The following TPPP3 variants were observed in gnomAD, a reference collection of about 807,000 sequenced individuals.
TPPP3 encodes the protein tubulin polymerization promoting protein family member 3.
A neutral mutation model predicts 13.1 loss-of-function variants in TPPP3; 7 were observed. The observed-to-expected ratio is 0.54, with a 90% CI of 0.30 to 1.01. TPPP3 has a LOEUF of 1.01. Ranked by LOEUF, TPPP3 falls within the 50% of genes least tolerant of loss-of-function variation. The pLI is 0.06. For synonymous variants in TPPP3, 87 were observed against 93.7 expected (o/e 0.93, Z 0.41); for missense variants, 185 against 235.0 (o/e 0.79, Z 1.39).
Position 67,391,666 on chromosome 16 carries a change from T to G in TPPP3, c.-6-549A>C, listed in dbSNP as rs144745994. ...GGGGTGCAGCTGGTCCAGCAAGGCC[T>G]TGTTACTATTTGCTGTTAAACAAAA... On this transcript the variant is annotated intron_variant, in intron 1 of 3. Coordinates refer to ENST00000393957, the MANE Select transcript of TPPP3 (RefSeq NM_015964.4). This position sits in a 1 kb window ranked among gnomAD's most constrained non-coding sequence, Gnocchi z 6.3. 7.6e-3 allele frequency: 1,175 copies of G among 154,114 alleles called. 17 individuals carry two copies. Among genetic ancestry groups the G allele is most frequent in the African/African-American group, 0.027 (1,124 of 41,600 alleles). 9.5% of individuals were successfully genotyped at this position (154,114 alleles called of 1,614,324 possible). A position where few individuals can be genotyped will look rare whatever the true frequency, so the allele number is the denominator to read the frequency against.
Position 67,390,790 on chromosome 16 carries a change from T to C in TPPP3, c.188+134A>G, listed in dbSNP as rs8053264. Reference sequence around the variant, plus strand: ...CAGCAACTCTGGAGGGCAATAGATATAAGGTTTGCCCTGGAAGAACGACCT... The same window carrying C: ...CAGCAACTCTGGAGGGCAATAGATACAAGGTTTGCCCTGGAAGAACGACCT... On this transcript the variant is annotated intron_variant, in intron 2 of 3. Coordinates refer to ENST00000393957, the MANE Select transcript of TPPP3 (RefSeq NM_015964.4). This position sits in a 1 kb window ranked among gnomAD's most constrained non-coding sequence, Gnocchi z 6.4. 98,403 of 1,400,706 alleles carry C rather than the reference T, an allele frequency of 0.07. 11,488 individuals are homozygous for C. The highest frequency in any genetic ancestry group is 0.52 in the African/African-American group (36,198 of 69,266). The allele number at this position is 1,400,706 out of a possible 1,614,324, so 86.8% of individuals were successfully genotyped here.
At position 67,392,132 on chromosome 16, in the gene TPPP3, A is replaced by T. The variant is rs1413404546; in HGVS notation, c.-6-1015T>A. Among the ~76,000 whole-genome samples, 1 of 149,402 alleles carries T rather than the reference A, an allele frequency of 6.7e-6. No homozygotes were observed. Among genetic ancestry groups the T allele is most frequent in the Non-Finnish European group, 1.5e-5 (1 of 67,336 alleles). ...GCCACACCAGCCCACATTCCCAGCGACCCTGTGCACTCAGCCCTGGCCTGC... is the reference window on the plus strand; with the variant it reads ...GCCACACCAGCCCACATTCCCAGCGTCCCTGTGCACTCAGCCCTGGCCTGC... On this transcript the variant is annotated intron_variant, in intron 1 of 3. Transcript: ENST00000393957. This position sits in a 1 kb window ranked among gnomAD's most constrained non-coding sequence, Gnocchi z 4.9.
At position 67,393,420 on chromosome 16, in the gene TPPP3, C is replaced by T. The variant is rs1277914781; in HGVS notation, c.-47G>A. ...GAAGTGTGCGTTCGGAAGGACAGAA[C>T]GACGCAGGAATGGACCGATGGACGC... On this transcript the variant is annotated 5_prime_UTR_variant, in exon 1 of 4. Coordinates refer to ENST00000393957, the MANE Select transcript of TPPP3 (RefSeq NM_015964.4). The surrounding 1 kb of genome is among the most constrained non-coding windows in gnomAD (Gnocchi z 5.4). 3 of 985,436 alleles carry T rather than the reference C, an allele frequency of 3.0e-6. No homozygotes were observed. The highest frequency in any genetic ancestry group is 3.6e-6 in the Non-Finnish European group (3 of 830,034). The allele number at this position is 985,436 out of a possible 1,614,324, so 61.0% of individuals were successfully genotyped here.
rs1041336644 is a variant in TPPP3, at chr16:67,392,691, C to T, written c.-7+689G>A. Among the ~76,000 whole-genome samples the T allele has an allele frequency of 1.3e-5, 2 of 152,186 alleles. No individual in the cohort carries two copies. The highest frequency in any genetic ancestry group is 1.5e-5 in the Non-Finnish European group (1 of 68,024). ...CACTGCCACCTCCTGACCACACCCT[C>T]GGTCTCAGCAACCATCTTCTAGCTC... On this transcript the variant is annotated intron_variant, in intron 1 of 3. Transcript: ENST00000393957. This position sits in a 1 kb window ranked among gnomAD's most constrained non-coding sequence, Gnocchi z 4.9.
At position 67,390,317 on chromosome 16, in the gene TPPP3, T is replaced by G; in HGVS notation, c.388A>C (p.Arg130=). The G allele has an allele frequency of 6.2e-7, 1 of 1,614,146 alleles. No homozygotes were observed. The highest frequency in any genetic ancestry group is 1.1e-5 in the South Asian group (1 of 91,084). ...CGCTCCTTGTGGGAGCCCGTGTATC[T>G]GCTGGTGTCCGTCAGCCGGTCTACA... ...GAVDRLTDTS[R]YTGSHKERFD... is the part of the protein sequence containing the mutation. The change falls in exon 4 of 4, where the codon AGA becomes CGA. Residue 130 remains arginine (R), a synonymous_variant. Transcript: ENST00000393957. This position sits in a 1 kb window ranked among gnomAD's most constrained non-coding sequence, Gnocchi z 6.4.
At position 67,391,993 on chromosome 16, in the gene TPPP3, G is replaced by C. The variant is rs370737831; in HGVS notation, c.-6-876C>G. ...GAGCAGGAGGTTGGGGGCTAGTAGC[G>C]TGGGGGCTGTAGAGTTACGAACCCC... On this transcript the variant is annotated intron_variant, in intron 1 of 3. Coordinates refer to ENST00000393957, the MANE Select transcript of TPPP3 (RefSeq NM_015964.4). The surrounding 1 kb of genome is among the most constrained non-coding windows in gnomAD (Gnocchi z 6.3). 1.3e-5 allele frequency: 2 copies of C among 152,830 alleles called. No homozygotes were observed. Among genetic ancestry groups the C allele is most frequent in the African/African-American group, 4.8e-5 (2 of 41,390 alleles). The allele number at this position is 152,830 out of a possible 1,614,324, so 9.5% of individuals were successfully genotyped here.
rs1243946895 is a variant in TPPP3, at chr16:67,391,308, G to A, written c.-6-191C>T. ...CCACAGAGCCCCAAGGAAGAGCCCC[G>A]GGAGGCACGGTCTTGTCACTAATGC... On this transcript the variant is annotated intron_variant, in intron 1 of 3. Transcript: ENST00000393957. This position sits in a 1 kb window ranked among gnomAD's most constrained non-coding sequence, Gnocchi z 6.3. 1.2e-5 allele frequency: 7 copies of A among 607,864 alleles called. No homozygotes were observed. Among genetic ancestry groups the A allele is most frequent in the African/African-American group, 1.9e-5 (1 of 54,048 alleles). The allele number at this position is 607,864 out of a possible 1,614,324, so 37.7% of individuals were successfully genotyped here. A position where few individuals can be genotyped will look rare whatever the true frequency, so the allele number is the denominator to read the frequency against.
rs1177305882 is a variant in TPPP3 at position 67,391,898 on chromosome 16, G to A, written c.-6-781C>T. 1 of 152,498 alleles carries A rather than the reference G, an allele frequency of 6.6e-6. No individual in the cohort carries two copies. Among genetic ancestry groups the A allele is most frequent in the East Asian group, 1.9e-4 (1 of 5,190 alleles). The allele number at this position is 152,498 out of a possible 1,614,324, so 9.4% of individuals were successfully genotyped here. ...GCACGCCAGCACTCCCTGCGCCTAG[G>A]GCATAACCGTGGCTTCCTGGCCCCT... On this transcript the variant is annotated intron_variant, in intron 1 of 3. Transcript: ENST00000393957. The surrounding 1 kb of genome is among the most constrained non-coding windows in gnomAD (Gnocchi z 6.3).
rs769189635 is a variant in TPPP3 at position 67,390,952 on chromosome 16, C to T, written c.160G>A (p.Asp54Asn). Residue 54 changes from aspartate (D) to asparagine (N), a missense_variant, in exon 2 of 4, where the codon GAT becomes AAT. Physicochemically the swap from Asp to Asn is conservative, Grantham distance 23. Coordinates refer to ENST00000393957, the MANE Select transcript of TPPP3 (RefSeq NM_015964.4). The surrounding 1 kb of genome is among the most constrained non-coding windows in gnomAD (Gnocchi z 6.4). ...ACTTTGGAGAAGACGATGTCCACAT[C>T]GGTCCCTGTCACGGACTTTCCGTCA... ...VADGKSVTGT[D>N]VDIVFSKVKG... The T allele has an allele frequency of 5.7e-5, 92 of 1,614,068 alleles. No homozygotes were observed. Among genetic ancestry groups the T allele is most frequent in the Non-Finnish European group, 5.8e-5 (68 of 1,180,022 alleles).
Position 67,392,860 on chromosome 16 carries a change from T to G in TPPP3, c.-7+520A>C. 5 of 586,860 alleles carry G rather than the reference T, an allele frequency of 8.5e-6. No individual in the cohort carries two copies. Among genetic ancestry groups the G allele is most frequent in the Non-Finnish European group, 1.1e-5 (5 of 465,678 alleles). 36.4% of individuals were successfully genotyped at this position (586,860 alleles called of 1,614,324 possible). The stretch of plus-strand genomic sequence containing the variant: ...ACTGTGAGCACCGGTGGTTCCTACG[T>G]TACAGGGACCATAACCCCAGTCCAC... On this transcript the variant is annotated intron_variant, in intron 1 of 3. Coordinates refer to ENST00000393957, the MANE Select transcript of TPPP3 (RefSeq NM_015964.4). This position sits in a 1 kb window ranked among gnomAD's most constrained non-coding sequence, Gnocchi z 4.9.
chr16:67,390,793 G>A lies in TPPP3; in HGVS notation c.188+131C>T. ...CAACTCTGGAGGGCAATAGATATAA[G>A]GTTTGCCCTGGAAGAACGACCTTCG... On this transcript the variant is annotated intron_variant, in intron 2 of 3. Coordinates refer to ENST00000393957, the MANE Select transcript of TPPP3 (RefSeq NM_015964.4). The surrounding 1 kb of genome is among the most constrained non-coding windows in gnomAD (Gnocchi z 6.4). 2 of 1,392,016 alleles carry A rather than the reference G, an allele frequency of 1.4e-6. No individual in the cohort carries two copies. The highest frequency in any genetic ancestry group is 2.0e-4 in the Middle Eastern group (1 of 5,116). The allele number at this position is 1,392,016 out of a possible 1,614,324, so 86.2% of individuals were successfully genotyped here. A position where few individuals can be genotyped will look rare whatever the true frequency, so the allele number is the denominator to read the frequency against.
In TPPP3 at chr16:67,390,533, G is replaced by A. The variant is rs141910505; in HGVS notation, c.288C>T (p.Phe96=). The part of the protein sequence containing the change: ...RFKGKSKEEA[F]DAICQLVAGK... ...CTGCCACCAGCTGGCAGATGGCATC[G>A]AAGGCCTCCTCCTTGCTCTTCCCCT... The change falls in exon 3 of 4, where the codon TTC becomes TTT. Residue 96 remains phenylalanine (F), a synonymous_variant. Transcript: ENST00000393957. The surrounding 1 kb of genome is among the most constrained non-coding windows in gnomAD (Gnocchi z 6.4). 28 of 1,613,868 alleles carry A rather than the reference G, an allele frequency of 1.7e-5. No homozygotes were observed. The highest frequency in any genetic ancestry group is 1.3e-4 in the Admixed American group (8 of 60,014).
Position 67,390,074 on chromosome 16 carries a change from C to T in TPPP3, c.*100G>A, listed in dbSNP as rs189909699. ...AGGAAGCTCTGGGTGGCAGGTCCAGCAGGGAGGGGACCAGGATCTCTTGCT... is the reference window on the plus strand; with the variant it reads ...AGGAAGCTCTGGGTGGCAGGTCCAGTAGGGAGGGGACCAGGATCTCTTGCT... On this transcript the variant is annotated 3_prime_UTR_variant, in exon 4 of 4. Transcript: ENST00000393957. The surrounding 1 kb of genome is among the most constrained non-coding windows in gnomAD (Gnocchi z 6.4). The T allele has an allele frequency of 1.1e-5, 15 of 1,316,100 alleles. No individual in the cohort carries two copies. Among genetic ancestry groups the T allele is most frequent in the Non-Finnish European group, 1.6e-5 (15 of 959,536 alleles). The allele number at this position is 1,316,100 out of a possible 1,614,324, so 81.5% of individuals were successfully genotyped here. A position where few individuals can be genotyped will look rare whatever the true frequency, so the allele number is the denominator to read the frequency against.
chr16:67,390,807 G>T lies in TPPP3; in HGVS notation c.188+117C>A. 7.1e-7 allele frequency: 1 copy of T among 1,410,664 alleles called. No individual in the cohort carries two copies. Among genetic ancestry groups the T allele is most frequent in the Middle Eastern group, 1.9e-4 (1 of 5,346 alleles). 87.4% of individuals were successfully genotyped at this position (1,410,664 alleles called of 1,614,324 possible). A position where few individuals can be genotyped will look rare whatever the true frequency, so the allele number is the denominator to read the frequency against. On this transcript the variant is annotated intron_variant, in intron 2 of 3. Transcript: ENST00000393957. This position sits in a 1 kb window ranked among gnomAD's most constrained non-coding sequence, Gnocchi z 6.4. Reference sequence around the variant, plus strand: ...AATAGATATAAGGTTTGCCCTGGAAGAACGACCTTCGTGATCATGGTGTTT... The same window carrying T: ...AATAGATATAAGGTTTGCCCTGGAATAACGACCTTCGTGATCATGGTGTTT...
chr16:67,390,883 C>T lies in TPPP3; in HGVS notation c.188+41G>A, dbSNP rs762681822. ...CTGGTTCCAGCCCCCCAGTTCCCCA[C>T]CTCCTGGGAACATGAGAAGCAGGGG... On this transcript the variant is annotated intron_variant, in intron 2 of 3. Coordinates refer to ENST00000393957, the MANE Select transcript of TPPP3 (RefSeq NM_015964.4). This position sits in a 1 kb window ranked among gnomAD's most constrained non-coding sequence, Gnocchi z 6.4. 3 of 1,592,388 alleles carry T rather than the reference C, an allele frequency of 1.9e-6. No homozygotes were observed. The highest frequency in any genetic ancestry group is 2.2e-5 in the East Asian group (1 of 44,668).
At position 67,392,324 on chromosome 16, in the gene TPPP3, G is replaced by C. The variant is rs541507408; in HGVS notation, c.-7+1056C>G. Among the ~76,000 whole-genome samples, 106 of 150,548 alleles carry C rather than the reference G, an allele frequency of 7.0e-4. No individual in the cohort carries two copies. Among genetic ancestry groups the C allele is most frequent in the Middle Eastern group, 3.5e-3 (1 of 288 alleles). ...CACTAAAGTGCCCCCCACACCCACA[G>C]CCCTCCGCTGCAGACCCCTGGCCAC... On this transcript the variant is annotated intron_variant, in intron 1 of 3. Transcript: ENST00000393957. This position sits in a 1 kb window ranked among gnomAD's most constrained non-coding sequence, Gnocchi z 4.9.
rs1173518494 is a variant in TPPP3, at chr16:67,392,345, G to A, written c.-7+1035C>T. 1.3e-5 allele frequency among the ~76,000 whole-genome samples: 2 copies of A among 151,626 alleles called. No individual in the cohort carries two copies. Among genetic ancestry groups the A allele is most frequent in the African/African-American group, 4.9e-5 (2 of 41,206 alleles). The stretch of plus-strand genomic sequence containing the variant: ...CACAGCCCTCCGCTGCAGACCCCTG[G>A]CCACACCCTGAGCCTACACAGCAGC... On this transcript the variant is annotated intron_variant, in intron 1 of 3. Coordinates refer to ENST00000393957, the MANE Select transcript of TPPP3 (RefSeq NM_015964.4). The surrounding 1 kb of genome is among the most constrained non-coding windows in gnomAD (Gnocchi z 4.9).
rs2040306851 is a variant in TPPP3, at chr16:67,390,176, ACTT to A, written c.526_528del (p.Lys176del). On this transcript the variant is annotated inframe_deletion, in exon 4 of 4. Transcript: ENST00000393957. This position sits in a 1 kb window ranked among gnomAD's most constrained non-coding sequence, Gnocchi z 6.4. ...TGGCAGGGCGGTCTTCCCAAGCCTC[ACTT>A]CTTCACCTTGGCATCGTAGGTGCCT... 6.2e-7 allele frequency: 1 copy of A among 1,613,768 alleles called. No homozygotes were observed. The highest frequency in any genetic ancestry group is 8.5e-7 in the Non-Finnish European group (1 of 1,179,736).
In TPPP3 at chr16:67,390,916, G is replaced by T. The variant is rs894254379; in HGVS notation, c.188+8C>A. The T allele has an allele frequency of 6.2e-7, 1 of 1,613,016 alleles. No homozygotes were observed. The highest frequency in any genetic ancestry group is 1.7e-5 in the Admixed American group (1 of 59,982). Reference sequence around the variant, plus strand: ...GAACATGAGAAGCAGGGGCTGCTTAGGGCTCACTTGACTTTGGAGAAGACG... The same window carrying T: ...GAACATGAGAAGCAGGGGCTGCTTATGGCTCACTTGACTTTGGAGAAGACG... On this transcript the variant is annotated splice_region_variant and intron_variant, in intron 2 of 3. Transcript: ENST00000393957. The surrounding 1 kb of genome is among the most constrained non-coding windows in gnomAD (Gnocchi z 6.4).
Sources: allele counts gnomAD v4.1 joint callset (sites outside exome capture counted in the v4.1 genomes callset), GRCh38; gene constraint gnomAD v4.1.1; non-coding constraint Gnocchi (gnomAD v3.1); transcripts MANE v1.5; gene names NCBI Gene and HGNC (gene_info 2026-07-23, HGNC 2026-07-21).